The following KAT14 variants were observed in gnomAD, a reference collection of about 807,000 sequenced individuals.
KAT14 encodes lysine acetyltransferase 14.
KAT14 carries 66 observed loss-of-function variants against 78.4 expected under a neutral mutation model. The ratio of observed to expected loss-of-function variants is 0.84; its 90% CI spans 0.69 to 1.03. The LOEUF (loss-of-function observed/expected upper bound fraction) is 1.03, where lower values mean the gene tolerates loss of function less well. Among genes scored for constraint, KAT14 ranks in the 50% least tolerant of loss-of-function variants. KAT14 has a pLI of 0.00. For synonymous variants in KAT14, 344 were observed against 359.4 expected, an observed-to-expected ratio of 0.96 and a Z score of 0.48; for missense variants, 870 against 972.5, an observed-to-expected ratio of 0.89 and a Z score of 1.40.
At chr20:18,146,609 A>C (rs1420101663) in intron 3 of KAT14, among the ~76,000 whole-genome samples, 2 of 152,210 alleles carry the variant, frequency 1.3e-5, no homozygotes, top group Non-Finnish European at 2.9e-5. Flanking sequence ...CAGTGAGCCG[A>C]GATCGCGCCA....
chr20:18,150,742 C>A lies in KAT14; in HGVS notation c.379-79C>A, dbSNP rs1314001616. 18 of 1,590,876 alleles carry A rather than the reference C, an allele frequency of 1.1e-5. 1 individual carries two copies. In the Middle Eastern group the frequency reaches 1.4e-3, roughly 126 times the overall value. ...CACCATTCCTACTCAGAATATAAAA[C>A]AGAAGAAGCTTTTCCCCCCTCAAGA... On this transcript the variant is annotated intron_variant, in intron 3 of 10. Transcript: ENST00000688188.
At position 18,142,215 on chromosome 20, in the gene KAT14, G is replaced by C. The variant is rs754616615; in HGVS notation, c.-446G>C. ...TGTTTCTTACGTTTTTAGAGGCTTC[G>C]TGACGGAGTTATCAGAGACATTGAG... On this transcript the variant is annotated 5_prime_UTR_variant, in exon 2 of 11. Transcript: ENST00000688188. The C allele has an allele frequency of 5.5e-5, 85 of 1,536,856 alleles. No individual in the cohort carries two copies. The highest frequency in any genetic ancestry group is 7.0e-5 in the Non-Finnish European group (80 of 1,146,784).
At chr20:18,155,762 A>G (rs1374145633) in intron 4 of KAT14, among the ~76,000 whole-genome samples, 1 of 152,146 alleles carries the variant, frequency 6.6e-6, no homozygotes, top group Non-Finnish European at 1.5e-5. Flanking sequence ...GAATGTGGAG[A>G]AATGGGAACC....
In KAT14 at chr20:18,184,656, A is replaced by G. The variant is rs754397620; in HGVS notation, c.2036A>G (p.Tyr679Cys). 59 of 1,613,780 alleles carry G rather than the reference A, an allele frequency of 3.7e-5. No individual in the cohort carries two copies. Among genetic ancestry groups the G allele is most frequent in the Non-Finnish European group, 4.7e-5 (56 of 1,179,980 alleles). ...QYPDFSVVVLYKKVIIAFGFM... is the reference protein window; with the variant it reads ...QYPDFSVVVLCKKVIIAFGFM... ...CCAGACTTCAGTGTTGTTGTTCTTT[A>G]TAAAAAAGTCATCATTGCCTTTGGC... The change falls in exon 10 of 11, where the codon TAT becomes TGT. Residue 679 changes from tyrosine to cysteine, a missense_variant. Coordinates refer to ENST00000688188, the MANE Select transcript of KAT14 (RefSeq NM_001392073.1).
intron 7 of KAT14, among the ~76,000 whole-genome samples, chr20:18,168,670 A>T (rs1465397881): frequency 6.6e-6 from 1 of 151,154 alleles, no homozygotes; most frequent in Admixed American, 6.6e-5. Context: ...TCTCTTTTTA[A>T]AGCTTTGTTT....
rs781574457 is a variant in KAT14, at chr20:18,181,833, A to AT, written c.1792_1793insT (p.Lys598IlefsTer7). The stretch of plus-strand genomic sequence containing the variant: ...CAGCCCTTATACCTCTCGGATCTTG[A>AT]AACCTTATATCAGGTATATGGAGAA... On this transcript the variant is annotated frameshift_variant, in exon 8 of 11. Transcript: ENST00000688188. LOFTEE classifies it high-confidence loss of function. 1 of 1,613,984 alleles carries AT rather than the reference A, an allele frequency of 6.2e-7. No homozygotes were observed. The highest frequency in any genetic ancestry group is 1.3e-5 in the African/African-American group (1 of 74,912).
chr20:18,181,569 C>T (rs1447653932), intron 7 of KAT14, 141 bp from the exon 8 acceptor site: 1 of 1,283,106 alleles, frequency 7.8e-7, no homozygotes, highest in South Asian at 1.5e-5. Context: ...CAGGGTTTTA[C>T]CGTGTTAGCC....
rs1242440319 is a variant in KAT14 at position 18,137,951 on chromosome 20, TG to T, written c.-550del. ...GAGAGAGAGGCCGCGGCCGCCAGCG[TG>T]GGGATGTCTAGGAGCTCGAAGGTGG... On this transcript the variant is annotated 5_prime_UTR_variant, in exon 1 of 11. Transcript: ENST00000688188. 2.7e-6 allele frequency: 4 copies of T among 1,481,684 alleles called. No homozygotes were observed. The highest frequency in any genetic ancestry group is 2.9e-5 in the East Asian group (1 of 34,894). The allele number at this position is 1,481,684 out of a possible 1,614,324, so 91.8% of individuals were successfully genotyped here.
chr20:18,176,604 G>A (rs2039060522), intron 7 of KAT14, among the ~76,000 whole-genome samples: 1 of 151,548 alleles, frequency 6.6e-6, no homozygotes, highest in Admixed American at 6.6e-5. Flanking sequence ...GGGTGATGAA[G>A]GGTCAGTGTG....
At chr20:18,149,524 G>C (rs552741494) in intron 3 of KAT14, among the ~76,000 whole-genome samples, 3 of 152,194 alleles carry the variant, frequency 2.0e-5, no homozygotes, top group Non-Finnish European at 4.4e-5. Context: ...ATTGAAACTT[G>C]GTTAGTGAAG....
chr20:18,150,741 AC>A, intron 3 of KAT14, 79 bp from the exon 4 acceptor site: 1 of 1,591,386 alleles, frequency 6.3e-7, no homozygotes, highest in Non-Finnish European at 8.6e-7. Context: ...AGAATATAAA[AC>A]AGAAGAAGCT....
At chr20:18,176,313 A>AAC (rs2039048195) in intron 7 of KAT14, among the ~76,000 whole-genome samples, 1 of 151,574 alleles carries the variant, frequency 6.6e-6, no homozygotes, top group Admixed American at 6.6e-5. Context: ...AAAAAAAAAA[A>AAC]AAAAAAGTGC....
chr20:18,139,324 T>C (rs1264269154), intron 1 of KAT14, among the ~76,000 whole-genome samples: 3 of 152,176 alleles, frequency 2.0e-5, no homozygotes, highest in Non-Finnish European at 4.4e-5. Flanking sequence ...AAACTTGAGA[T>C]GGAGTAAAAT....
chr20:18,149,445 T>A (rs1024101621), intron 3 of KAT14, among the ~76,000 whole-genome samples: 2 of 152,366 alleles, frequency 1.3e-5, no homozygotes, highest in Non-Finnish European at 2.9e-5. Flanking sequence ...AGACATTTTT[T>A]AAAATCTGTT....
intron 4 of KAT14, among the ~76,000 whole-genome samples, chr20:18,153,724 A>G (rs947906121): frequency 6.6e-6 from 1 of 152,232 alleles, no homozygotes; most frequent in African/African-American, 2.4e-5. Context: ...TGTGTTGGCC[A>G]TATTGGTATA....
intron 3 of KAT14, 116 bp from the exon 4 acceptor site, chr20:18,150,705 C>T (rs1050113977): frequency 1.5e-5 from 22 of 1,487,790 alleles, no homozygotes; most frequent in African/African-American, 1.3e-4. Context: ...GTCCTTTGTT[C>T]GCTCTGTTCC....
At chr20:18,152,422 C>A (rs948932391) in intron 4 of KAT14, among the ~76,000 whole-genome samples, 1 of 152,128 alleles carries the variant, frequency 6.6e-6, no homozygotes, top group Non-Finnish European at 1.5e-5. Context: ...ACTAAAAATA[C>A]AGAAATTAGC....
chr20:18,154,861 T>C (rs1568665965), intron 4 of KAT14, among the ~76,000 whole-genome samples: 1 of 152,204 alleles, frequency 6.6e-6, no homozygotes, highest in African/African-American at 2.4e-5. Context: ...GAAGAAAATA[T>C]TCAAGCTATT....
intron 3 of KAT14, among the ~76,000 whole-genome samples, chr20:18,147,401 T>C (rs901947248): frequency 1.3e-5 from 2 of 152,216 alleles, no homozygotes; most frequent in African/African-American, 4.8e-5. Flanking sequence ...GGTAGATTTG[T>C]ATTTGTCCTG....
Sources: gnomAD v4.1 joint callset for allele counts (sites outside exome capture counted in the v4.1 genomes callset) on GRCh38, gnomAD v4.1.1 for gene constraint, MANE v1.5 for transcripts, NCBI Gene and HGNC (gene_info 2026-07-23, HGNC 2026-07-21) for gene names.